Variants in SMG6 observed in about 807,000 individuals in gnomAD.
SMG6 encodes the protein telomerase-binding protein EST1A.
In SMG6, 66 loss-of-function variants were observed where a neutral mutation model predicts 142.2. The observed-to-expected ratio is 0.46, with a 90% confidence interval of 0.38 to 0.57. The LOEUF is 0.57. SMG6 is among the 20% of genes least tolerant of loss of function. The pLI is 0.00. For synonymous variants in SMG6, 779 were observed against 702.4 expected (o/e 1.11, Z -1.72); for missense variants, 1,793 against 1,832.0 (o/e 0.98, Z 0.39).
intron 14 of SMG6, 37 bp from the exon 15 acceptor site, chr17:2,081,993 CA>C: frequency 6.2e-7 from 1 of 1,611,990 alleles, no homozygotes; most frequent in Non-Finnish European, 8.5e-7. Context: ...AAAGAGGAGA[CA>C]GTTAGCTGGG....
intron 13 of SMG6, 29 bp downstream of exon 13, chr17:2,172,629 T>C (rs779592657): frequency 4.4e-6 from 7 of 1,609,080 alleles, no homozygotes; most frequent in Non-Finnish European, 5.9e-6. Context: ...GAGGGGCGAA[T>C]GGGGAGGGAT....
chr17:2,104,312 T>C (rs2069095980), intron 13 of SMG6, among the ~76,000 whole-genome samples: 1 of 152,108 alleles, frequency 6.6e-6, no homozygotes, highest in African/African-American at 2.4e-5. Context: ...GCCAGGCAGG[T>C]CACGAATTCC....
At chr17:2,195,979 C>T (rs2072312412) in intron 10 of SMG6, among the ~76,000 whole-genome samples, 1 of 152,092 alleles carries the variant, frequency 6.6e-6, no homozygotes, top group African/African-American at 2.4e-5. Context: ...CAGTGCTGCA[C>T]AAAGAGCTCA....
chr17:2,077,017 C>T (rs545534723), intron 15 of SMG6, among the ~76,000 whole-genome samples: 2 of 152,352 alleles, frequency 1.3e-5, no homozygotes, highest in African/African-American at 4.8e-5. Context: ...CAAAGCTAAA[C>T]ACCAAGCTCC....
chr17:2,123,686 C>T (rs537256549), intron 13 of SMG6, among the ~76,000 whole-genome samples: 1 of 152,280 alleles, frequency 6.6e-6, no homozygotes, highest in African/African-American at 2.4e-5. Flanking sequence ...ATGGAGATGG[C>T]ACAACAAAGG....
intron 14 of SMG6, among the ~76,000 whole-genome samples, chr17:2,084,835 C>T (rs1409531944): frequency 6.6e-6 from 1 of 152,230 alleles, no homozygotes; most frequent in Admixed American, 6.5e-5. Context: ...TGTGAACACA[C>T]ATCCAGACAG....
intron 6 of SMG6, among the ~76,000 whole-genome samples, chr17:2,284,328 A>G (rs916296395): frequency 5.3e-5 from 8 of 152,150 alleles, no homozygotes; most frequent in African/African-American, 1.9e-4. Context: ...GTACTTAATC[A>G]ATGATGTTGC....
At chr17:2,194,909 A>G (rs1317510585) in intron 10 of SMG6, among the ~76,000 whole-genome samples, 1 of 152,138 alleles carries the variant, frequency 6.6e-6, no homozygotes, top group Non-Finnish European at 1.5e-5. Flanking sequence ...CAGGACTGCA[A>G]AACACCTGGA....
intron 13 of SMG6, among the ~76,000 whole-genome samples, chr17:2,100,789 C>T (rs1014475565): frequency 1.3e-4 from 19 of 151,984 alleles, no homozygotes; most frequent in Admixed American, 1.3e-4. Context: ...TCAAGAGATC[C>T]CCCTGCTTCA....
intron 10 of SMG6, among the ~76,000 whole-genome samples, chr17:2,224,288 C>CTGGT: frequency 6.6e-6 from 1 of 152,110 alleles, no homozygotes; most frequent in Non-Finnish European, 1.5e-5. Flanking sequence ...CAAGGCTACA[C>CTGGT]CCCAAATACA....
intron 8 of SMG6, among the ~76,000 whole-genome samples, chr17:2,246,276 G>A (rs1173935247): frequency 2.0e-5 from 3 of 152,176 alleles, no homozygotes; most frequent in Admixed American, 2.0e-4. Flanking sequence ...AGTATATTCA[G>A]GGCTCTGTAG....
At chr17:2,210,096 C>G (rs1171945828) in intron 10 of SMG6, among the ~76,000 whole-genome samples, 1 of 151,996 alleles carries the variant, frequency 6.6e-6, no homozygotes, top group African/African-American at 2.4e-5. Context: ...TTTGGGAGTA[C>G]TTGGAAAGGT....
At chr17:2,218,816 A>C (rs1167306181) in intron 10 of SMG6, among the ~76,000 whole-genome samples, 1 of 152,158 alleles carries the variant, frequency 6.6e-6, no homozygotes, top group African/African-American at 2.4e-5. Flanking sequence ...ACCCTAATGT[A>C]AACTACGAAC....
At chr17:2,298,768 C>A (rs2075201703) in intron 2 of SMG6, 138 bp downstream of exon 2, 2 of 703,928 alleles carry the variant, frequency 2.8e-6, no homozygotes, top group Non-Finnish European at 4.7e-6. Flanking sequence ...CTGTTTCCAA[C>A]TGCCCTTCCC....
At chr17:2,185,846 T>C (rs769038157) in intron 12 of SMG6, among the ~76,000 whole-genome samples, 3 of 151,858 alleles carry the variant, frequency 2.0e-5, no homozygotes, top group Admixed American at 1.3e-4. Context: ...GGAAGAGAGA[T>C]GTGCATGCAT....
chr17:2,296,415 C>G lies in SMG6; in HGVS notation c.2151+828G>C, dbSNP rs547832843. Among the ~76,000 whole-genome samples the G allele has an allele frequency of 9.2e-5, 14 of 152,286 alleles. No homozygotes were observed. In the South Asian group the frequency reaches 2.9e-3, roughly 32 times the overall value. ...TGGCCCCACCAGGCTACGTTAGATT[C>G]ACTTCTCCCTATGGCCCTTCAACAC... On this transcript the variant is annotated intron_variant, in intron 4 of 18. Coordinates refer to ENST00000263073, the MANE Select transcript of SMG6 (RefSeq NM_017575.5).
intron 13 of SMG6, among the ~76,000 whole-genome samples, chr17:2,109,764 G>C (rs62067978): frequency 2.6e-5 from 4 of 151,870 alleles, no homozygotes; most frequent in Non-Finnish European, 4.4e-5. Flanking sequence ...GCCTATACTA[G>C]AGAAACCTAT....
intron 18 of SMG6, chr17:2,062,914 G>A (rs554342490): frequency 2.0e-5 from 3 of 152,798 alleles, no homozygotes; most frequent in African/African-American, 7.2e-5. Context: ...AGGACAGGAG[G>A]AAGGAGAGTG....
intron 13 of SMG6, among the ~76,000 whole-genome samples, chr17:2,148,974 G>A (rs2070747919): frequency 6.6e-6 from 1 of 152,060 alleles, no homozygotes; most frequent in African/African-American, 2.4e-5. Flanking sequence ...TGGTGAAGAT[G>A]AAAAAGCTCT....
Sources: allele counts gnomAD v4.1 joint callset (sites outside exome capture counted in the v4.1 genomes callset), GRCh38; gene constraint gnomAD v4.1.1; transcripts MANE v1.5; gene names NCBI Gene and HGNC (gene_info 2026-07-23, HGNC 2026-07-21).